Variants in BMP1 observed in about 807,000 individuals in gnomAD.
BMP1 encodes the protein bone morphogenetic protein 1.
In BMP1, 63 loss-of-function variants were observed where a neutral mutation model predicts 116.8. The observed-to-expected ratio is 0.54, with a 90% confidence interval of 0.44 to 0.67. BMP1 has a LOEUF of 0.67. Among genes scored for constraint, BMP1 ranks in the 30% least tolerant of loss-of-function variants. BMP1 has a pLI of 0.00. For synonymous variants in BMP1, 536 were observed against 533.4 expected, an observed-to-expected ratio of 1.00 and a Z score of -0.07; for missense variants, 1,183 against 1,358.9, an observed-to-expected ratio of 0.87 and a Z score of 2.04.
chr8:22,201,887 G>A lies in BMP1; in HGVS notation c.2192G>A (p.Ser731Asn), dbSNP rs1431122267. The A allele has an allele frequency of 6.2e-7, 1 of 1,613,888 alleles. No homozygotes were observed. The highest frequency in any genetic ancestry group is 8.5e-7 in the Non-Finnish European group (1 of 1,179,952). Reference protein sequence around the residue: ...TFGSYECQCRSGFVLHDNKHD... With the variant: ...TFGSYECQCRNGFVLHDNKHD... ...GGCAGTTATGAGTGCCAATGCCGCA[G>A]TGGCTTCGTCCTCCATGACAACAAG... The change falls in exon 16 of 20, where the codon AGT becomes AAT. Residue 731 changes from serine to asparagine, a missense_variant. Physicochemically the swap from Ser to Asn is conservative, Grantham distance 46 (BLOSUM62 1). This residue lies in a region of BMP1 where 956 missense variants were observed against 1,135.2 expected (regional missense o/e 0.84). Transcript: ENST00000306385.
intron 19 of BMP1, 81 bp from the exon 20 acceptor site, chr8:22,211,513 C>T (rs1829461516): frequency 3.1e-6 from 5 of 1,592,032 alleles, no homozygotes; most frequent in Admixed American, 3.4e-5. Context: ...TCCTGCCCTT[C>T]AAAGCTGGGG....
chr8:22,169,770 T>C (rs1402374172), intron 1 of BMP1: 1 of 152,268 alleles, frequency 6.6e-6, no homozygotes, highest in Non-Finnish European at 1.5e-5. Flanking sequence ...GGCCTTGCCA[T>C]GCCCTGGGGG....
intron 14 of BMP1, 53 bp downstream of exon 14, chr8:22,196,893 T>A: frequency 6.4e-7 from 1 of 1,563,960 alleles, no homozygotes; most frequent in Non-Finnish European, 8.7e-7. Flanking sequence ...GGCGTGGGCA[T>A]TCAGCTCAGT....
At chr8:22,173,499 G>A in intron 1 of BMP1, 103 bp from the exon 2 acceptor site, 1 of 702,884 alleles carries the variant, frequency 1.4e-6, no homozygotes, top group South Asian at 2.1e-5. Flanking sequence ...CAGTCGCTGT[G>A]GAGGTTGGGG....
chr8:22,203,776 T>G (rs1177714222), intron 16 of BMP1, among the ~76,000 whole-genome samples: 2 of 152,166 alleles, frequency 1.3e-5, no homozygotes, highest in African/African-American at 2.4e-5. Context: ...CCCTGTGACC[T>G]CAGGCTTCCC....
Position 22,199,231 on chromosome 8 carries a change from C to T in BMP1, c.2107+1811C>T, listed in dbSNP as rs569369580. On this transcript the variant is annotated intron_variant, in intron 15 of 19. Transcript: ENST00000306385. ...ACTGGGGGCATCGAGGCTCAGCCCT[C>T]AGGGCCCGGGGCATCTGACTCTGGC... 19 of 1,367,584 alleles carry T rather than the reference C, an allele frequency of 1.4e-5. No individual in the cohort carries two copies. The African/African-American group carries it at 1.9e-4, about 14-fold the overall frequency. 84.7% of individuals were successfully genotyped at this position (1,367,584 alleles called of 1,614,324 possible). A position where few individuals can be genotyped will look rare whatever the true frequency, so the allele number is the denominator to read the frequency against.
intron 13 of BMP1, 150 bp downstream of exon 13, chr8:22,195,737 C>T: frequency 1.7e-6 from 2 of 1,168,454 alleles, no homozygotes; most frequent in Non-Finnish European, 2.3e-6. Context: ...GCCTCCCATT[C>T]CTGGGCTCAA....
Position 22,169,147 on chromosome 8 carries a change from G to A in BMP1, c.148+3594G>A, listed in dbSNP as rs539925480. ...GGCTGTAGTGAGCTATGATTGTGCCGCTGCACTCTAGTCTGGGTGACAAAG... is the reference window on the plus strand; with the variant it reads ...GGCTGTAGTGAGCTATGATTGTGCCACTGCACTCTAGTCTGGGTGACAAAG... On this transcript the variant is annotated intron_variant, in intron 1 of 19. Coordinates refer to ENST00000306385, the MANE Select transcript of BMP1 (RefSeq NM_006129.5). Among the ~76,000 whole-genome samples, 38 of 149,114 alleles carry A rather than the reference G, an allele frequency of 2.5e-4. 1 individual carries two copies. The highest frequency in any genetic ancestry group is 8.4e-4 in the African/African-American group (34 of 40,268).
chr8:22,183,756 T>C (rs1180059795), intron 8 of BMP1, among the ~76,000 whole-genome samples: 1 of 152,102 alleles, frequency 6.6e-6, no homozygotes, highest in Non-Finnish European at 1.5e-5. Context: ...TTTGTATTTT[T>C]AGTAGAGACG....
intron 6 of BMP1, among the ~76,000 whole-genome samples, chr8:22,178,167 C>T (rs978292525): frequency 6.6e-6 from 1 of 152,256 alleles, no homozygotes. Flanking sequence ...GCCTTACCAC[C>T]GTGTGCACCC....
intron 1 of BMP1, 117 bp from the exon 2 acceptor site, chr8:22,173,485 A>G: frequency 1.6e-6 from 1 of 633,466 alleles, no homozygotes; most frequent in Non-Finnish European, 2.8e-6. Context: ...GCATTTGAGG[A>G]TCACAGTCGC....
At chr8:22,195,297 G>T (rs970349474) in intron 12 of BMP1, among the ~76,000 whole-genome samples, 165 bp from the exon 13 acceptor site, 1 of 152,202 alleles carries the variant, frequency 6.6e-6, no homozygotes, top group African/African-American at 2.4e-5. Context: ...GGAACAGCAC[G>T]TGAGAGACAC....
chr8:22,208,332 C>T (rs564006997), intron 18 of BMP1, among the ~76,000 whole-genome samples: 9 of 152,348 alleles, frequency 5.9e-5, no homozygotes, highest in South Asian at 2.1e-4. Flanking sequence ...AACTGAGCTC[C>T]GCTCTGCGAG....
chr8:22,186,161 C>T (rs529394326), intron 8 of BMP1, among the ~76,000 whole-genome samples: 2 of 152,234 alleles, frequency 1.3e-5, no homozygotes, highest in South Asian at 2.1e-4. Flanking sequence ...ATACCTTCCC[C>T]GACTTCCACA....
At position 22,207,414 on chromosome 8, in the gene BMP1, AAG is replaced by A; in HGVS notation, c.2475_2476del (p.Lys826AlafsTer19). 1 of 1,614,120 alleles carries A rather than the reference AAG, an allele frequency of 6.2e-7. No homozygotes were observed. Among genetic ancestry groups the A allele is most frequent in the Non-Finnish European group, 8.5e-7 (1 of 1,180,032 alleles). On this transcript the variant is annotated frameshift_variant, in exon 18 of 20. Transcript: ENST00000306385. LOFTEE classifies it high-confidence loss of function. ...CGTCCTCGGCCGCTTCTGTGGGAGC[AAG>A]AAGCCCGAGCCCGTCCTGGCCACAG... Reference protein sequence around the residue: ...APVLGRFCGSKKPEPVLATGS... With the variant: ...APVLGRFCGSXKPEPVLATGS...
At chr8:22,206,262 G>A (rs973155735) in intron 16 of BMP1, among the ~76,000 whole-genome samples, 4 of 152,132 alleles carry the variant, frequency 2.6e-5, no homozygotes, top group South Asian at 2.1e-4. Context: ...AGCACTTTGG[G>A]AGGCCAAGGT....
chr8:22,199,383 G>C, intron 15 of BMP1: 1 of 1,286,732 alleles, frequency 7.8e-7, no homozygotes, highest in Non-Finnish European at 1.0e-6. Flanking sequence ...TTTGGGCACT[G>C]TAGGGTGAGT....
At chr8:22,165,771 C>G (rs540128448) in intron 1 of BMP1, among the ~76,000 whole-genome samples, 2 of 152,312 alleles carry the variant, frequency 1.3e-5, no homozygotes, top group East Asian at 1.9e-4. Context: ...GCCGCTGCCT[C>G]TCATCTTCCC....
chr8:22,184,844 T>C (rs1434492798), intron 8 of BMP1, among the ~76,000 whole-genome samples: 1 of 152,264 alleles, frequency 6.6e-6, no homozygotes, highest in Non-Finnish European at 1.5e-5. Context: ...GTCTATGGCC[T>C]TTCAAAGGTA....
Sources: gnomAD v4.1 joint callset for allele counts (sites outside exome capture counted in the v4.1 genomes callset) on GRCh38, gnomAD v4.1.1 for gene constraint, gnomAD v4.1.1 regional missense constraint, MANE v1.5 for transcripts, NCBI Gene and HGNC (gene_info 2026-07-23, HGNC 2026-07-21) for gene names.